The following EPHA5 variants were observed in gnomAD, a reference collection of about 807,000 sequenced individuals.
EPHA5 encodes ephrin type-A receptor 5.
EPHA5 carries 60 observed loss-of-function variants against 105.0 expected under a neutral mutation model. The observed-to-expected ratio is 0.57, with a 90% CI of 0.46 to 0.71. The LOEUF (loss-of-function observed/expected upper bound fraction) is 0.71, where lower values mean the gene tolerates loss of function less well. Ranked by LOEUF, EPHA5 falls within the 30% of genes least tolerant of loss-of-function variation. The pLI, the probability that EPHA5 is intolerant of heterozygous loss-of-function variation, is 0.00. For synonymous variants in EPHA5, 513 were observed against 449.1 expected (o/e 1.14, Z -1.80); for missense variants, 1,218 against 1,274.7 (o/e 0.96, Z 0.68).
At chr4:65,376,004 A>G (rs895558970) in intron 8 of EPHA5, among the ~76,000 whole-genome samples, 1 of 151,460 alleles carries the variant, frequency 6.6e-6, no homozygotes, top group African/African-American at 2.4e-5. Context: ...TCTAAATTAC[A>G]TCATCCTGTG....
At chr4:65,453,645 T>A (rs943231459) in intron 5 of EPHA5, among the ~76,000 whole-genome samples, 1 of 152,172 alleles carries the variant, frequency 6.6e-6, no homozygotes, top group East Asian at 1.9e-4. Context: ...TAAGCATGTG[T>A]ACAACTCCAG....
chr4:65,429,046 T>G lies in EPHA5; in HGVS notation c.1403-8481A>C, dbSNP rs376361185. On this transcript the variant is annotated intron_variant, in intron 5 of 16. Coordinates refer to ENST00000613740, the MANE Select transcript of EPHA5 (RefSeq NM_001281766.3). Reference sequence around the variant, plus strand: ...GAATGTGTTTTCCATTCATTACTTGTTATTATCCTATAATAGAATTTTTAA... The same window carrying G: ...GAATGTGTTTTCCATTCATTACTTGGTATTATCCTATAATAGAATTTTTAA... Among the ~76,000 whole-genome samples the G allele has an allele frequency of 1.6e-4, 24 of 152,180 alleles. No homozygotes were observed. In the East Asian group the frequency reaches 2.5e-3, roughly 16 times the overall value.
intron 3 of EPHA5, among the ~76,000 whole-genome samples, chr4:65,565,115 C>T (rs1739399548): frequency 1.3e-5 from 2 of 151,612 alleles, no homozygotes; most frequent in South Asian, 2.1e-4. Flanking sequence ...AATGTAAGGA[C>T]ACCTCAGAGG....
intron 3 of EPHA5, among the ~76,000 whole-genome samples, chr4:65,559,614 C>G (rs935359862): frequency 6.6e-6 from 1 of 152,108 alleles, no homozygotes; most frequent in Admixed American, 6.6e-5. Context: ...CCAGCAGGCT[C>G]TTTAAGTAGG....
At chr4:65,334,187 A>C (rs112778888) in intron 15 of EPHA5, among the ~76,000 whole-genome samples, 32 of 152,050 alleles carry the variant, frequency 2.1e-4, no homozygotes, top group African/African-American at 6.7e-4. Flanking sequence ...TGGCTTCATA[A>C]AGGCAAATAC....
chr4:65,488,885 AT>A lies in EPHA5; in HGVS notation c.1402+1491del, dbSNP rs5858962. Among the ~76,000 whole-genome samples the A allele has an allele frequency of 2.1e-3, 247 of 117,754 alleles. 1 individual carries two copies. The highest frequency in any genetic ancestry group is 7.4e-3 in the African/African-American group (231 of 31,342). 77.3% of individuals were successfully genotyped at this position (117,754 alleles called of 152,430 possible). ...ATCAACTCTGAACTCAGCTGCATGC[AT>A]TTTTTTTTTTTTTTTTTGAGACGGA... On this transcript the variant is annotated intron_variant, in intron 5 of 16. Transcript: ENST00000613740.
At chr4:65,575,456 G>C (rs1213529268) in intron 3 of EPHA5, among the ~76,000 whole-genome samples, 2 of 152,152 alleles carry the variant, frequency 1.3e-5, no homozygotes, top group Non-Finnish European at 2.9e-5. Context: ...GAGACTATCT[G>C]TTCAGGTCTC....
At position 65,324,062 on chromosome 4, in the gene EPHA5, C is replaced by T. The variant is rs1037725476; in HGVS notation, c.*52G>A. On this transcript the variant is annotated 3_prime_UTR_variant, in exon 17 of 17. Coordinates refer to ENST00000613740, the MANE Select transcript of EPHA5 (RefSeq NM_001281766.3). The stretch of plus-strand genomic sequence containing the variant: ...TTTTTTGTTAAAATAAATCTCAGTG[C>T]TGTTTACAAAGTGCAGAATCATTCA... 1 of 1,168,766 alleles carries T rather than the reference C, an allele frequency of 8.6e-7. No homozygotes were observed. Among genetic ancestry groups the T allele is most frequent in the Non-Finnish European group, 1.3e-6 (1 of 784,158 alleles). The allele number at this position is 1,168,766 out of a possible 1,614,324, so 72.4% of individuals were successfully genotyped here.
intron 1 of EPHA5, among the ~76,000 whole-genome samples, chr4:65,648,283 T>A (rs995924441): frequency 6.6e-6 from 1 of 152,234 alleles, no homozygotes; most frequent in Non-Finnish European, 1.5e-5. Context: ...TTGTTCTGTA[T>A]CACTTTGACT....
intron 5 of EPHA5, among the ~76,000 whole-genome samples, chr4:65,469,485 T>C (rs1478656210): frequency 6.6e-6 from 1 of 152,080 alleles, no homozygotes; most frequent in Admixed American, 6.6e-5. Flanking sequence ...TAGTAAAAGG[T>C]GATTTATATA....
At chr4:65,664,904 C>T in intron 1 of EPHA5, among the ~76,000 whole-genome samples, 1 of 151,842 alleles carries the variant, frequency 6.6e-6, no homozygotes, top group East Asian at 1.9e-4. Context: ...AATTCTGATG[C>T]TTTATAAAAA....
Position 65,420,426 on chromosome 4 carries a change from TTC to T in EPHA5, c.1527+13_1527+14del. On this transcript the variant is annotated intron_variant, in intron 6 of 16. Coordinates refer to ENST00000613740, the MANE Select transcript of EPHA5 (RefSeq NM_001281766.3). ...AAAAAGAAAGTGAGGACATTTTTTA[TTC>T]TGTTAGTCTTACCTTTTCAAAATAC... 6.5e-7 allele frequency: 1 copy of T among 1,548,818 alleles called. No homozygotes were observed. The highest frequency in any genetic ancestry group is 8.7e-7 in the Non-Finnish European group (1 of 1,152,810).
chr4:65,526,355 A>G (rs753994930), intron 3 of EPHA5, among the ~76,000 whole-genome samples: 22 of 151,856 alleles, frequency 1.4e-4, no homozygotes, highest in Admixed American at 2.6e-4. Context: ...TGCTGGCTAT[A>G]ATTAAATTGC....
rs1020876086 is a variant in EPHA5 at position 65,352,990 on chromosome 4, A to T, written c.2235+52T>A. 3 of 1,270,630 alleles carry T rather than the reference A, an allele frequency of 2.4e-6. No homozygotes were observed. The Admixed American group carries it at 6.2e-5, about 26-fold the overall frequency. The allele number at this position is 1,270,630 out of a possible 1,614,324, so 78.7% of individuals were successfully genotyped here. On this transcript the variant is annotated intron_variant, in intron 12 of 16. Coordinates refer to ENST00000613740, the MANE Select transcript of EPHA5 (RefSeq NM_001281766.3). ...CACAGCATCATCATCACAGCACAAC[A>T]TCACAATATATAAATAACACCTTGA...
At chr4:65,335,061 G>A (rs917072021) in intron 15 of EPHA5, among the ~76,000 whole-genome samples, 1 of 151,902 alleles carries the variant, frequency 6.6e-6, no homozygotes, top group African/African-American at 2.4e-5. Flanking sequence ...GTAAACAAAT[G>A]TTATGTCAGA....
intron 11 of EPHA5, among the ~76,000 whole-genome samples, chr4:65,354,225 T>G (rs984222473): frequency 1.3e-5 from 2 of 151,834 alleles, no homozygotes; most frequent in African/African-American, 4.8e-5. Context: ...ATTTTAAAAA[T>G]ACATTTGATC....
chr4:65,504,112 A>G (rs1318602636), intron 3 of EPHA5, among the ~76,000 whole-genome samples: 1 of 151,570 alleles, frequency 6.6e-6, no homozygotes, highest in East Asian at 1.9e-4. Flanking sequence ...TCACATTTTT[A>G]TATTGTTACA....
At chr4:65,494,689 C>A (rs1731742603) in intron 4 of EPHA5, among the ~76,000 whole-genome samples, 1 of 152,136 alleles carries the variant, frequency 6.6e-6, no homozygotes, top group South Asian at 2.1e-4. Context: ...TACTTATGAT[C>A]AGCAAATATA....
Position 65,321,610 on chromosome 4 carries a change from T to C in EPHA5, c.*2504A>G, listed in dbSNP as rs1476641562. ...AGAAAACTATGTGGCTATTTAACTT[T>C]CCTTTCAATTTACTTTCCAAAATGA... On this transcript the variant is annotated 3_prime_UTR_variant, in exon 17 of 17. Coordinates refer to ENST00000613740, the MANE Select transcript of EPHA5 (RefSeq NM_001281766.3). 2 of 229,180 alleles carry C rather than the reference T, an allele frequency of 8.7e-6. No homozygotes were observed. The highest frequency in any genetic ancestry group is 1.7e-5 in the Non-Finnish European group (2 of 115,494). 14.2% of individuals were successfully genotyped at this position (229,180 alleles called of 1,614,324 possible).
Sources: gnomAD v4.1 joint callset for allele counts (sites outside exome capture counted in the v4.1 genomes callset) on GRCh38, gnomAD v4.1.1 for gene constraint, MANE v1.5 for transcripts, NCBI Gene and HGNC (gene_info 2026-07-23, HGNC 2026-07-21) for gene names.